The following SEMA6D variants were observed in gnomAD, a reference collection of about 807,000 sequenced individuals.
SEMA6D encodes semaphorin 6D.
A neutral mutation model predicts 106.6 loss-of-function variants in SEMA6D; 35 were observed. The ratio of observed to expected loss-of-function variants is 0.33; its 90% CI spans 0.25 to 0.44. The LOEUF is 0.44. Ranked by LOEUF, SEMA6D falls within the 20% of genes least tolerant of loss-of-function variation. The pLI is 1.00. For missense variants in SEMA6D, 1,185 were observed against 1,345.9 expected, an observed-to-expected ratio of 0.88 and a Z score of 1.87; for synonymous variants, 499 against 487.7, an observed-to-expected ratio of 1.02 and a Z score of -0.31.
At chr15:47,725,152 A>G (rs539269323) in intron 1 of SEMA6D, among the ~76,000 whole-genome samples, 2 of 152,346 alleles carry the variant, frequency 1.3e-5, no homozygotes, top group East Asian at 1.9e-4. Flanking sequence ...GAGGATAGAC[A>G]CATATTGAAA....
At chr15:47,316,611 T>TC (rs2036691765) in intron 1 of SEMA6D, among the ~76,000 whole-genome samples, 1 of 151,034 alleles carries the variant, frequency 6.6e-6, no homozygotes, top group African/African-American at 2.4e-5. Context: ...TGAGAGGTTT[T>TC]TTTTTTTTTT....
At chr15:47,453,325 A>T (rs2140951615) in intron 2 of SEMA6D, among the ~76,000 whole-genome samples, 1 of 152,100 alleles carries the variant, frequency 6.6e-6, no homozygotes, top group African/African-American at 2.4e-5. Flanking sequence ...TGTTTTAAAC[A>T]AAAGTGACAA....
intron 1 of SEMA6D, among the ~76,000 whole-genome samples, chr15:47,405,353 C>T (rs746553444): frequency 2.0e-5 from 3 of 152,056 alleles, no homozygotes; most frequent in Non-Finnish European, 4.4e-5. Context: ...CAGATTCCAG[C>T]CTGTTACAAA....
At chr15:47,381,200 G>A (rs922916812) in intron 1 of SEMA6D, among the ~76,000 whole-genome samples, 1 of 152,224 alleles carries the variant, frequency 6.6e-6, no homozygotes, top group Non-Finnish European at 1.5e-5. Flanking sequence ...ACAATGGATT[G>A]TGGTAGATTT....
At chr15:47,751,487 G>A (rs2081431850) in intron 1 of SEMA6D, among the ~76,000 whole-genome samples, 1 of 152,154 alleles carries the variant, frequency 6.6e-6, no homozygotes, top group South Asian at 2.1e-4. Flanking sequence ...TACAGTAAGA[G>A]CAGTGCCCCT....
chr15:47,762,434 C>A, intron 8 of SEMA6D, 115 bp downstream of exon 8: 1 of 1,143,134 alleles, frequency 8.7e-7, no homozygotes, highest in Non-Finnish European at 1.2e-6. Flanking sequence ...TTATTTAGAA[C>A]AAGTACACAC....
chr15:47,186,014 T>A (rs890263060), intron 1 of SEMA6D, among the ~76,000 whole-genome samples: 17 of 152,174 alleles, frequency 1.1e-4, no homozygotes, highest in Non-Finnish European at 2.2e-4. Flanking sequence ...GTTTACAATA[T>A]TGTCTACAAA....
At chr15:47,747,354 A>T (rs1009663124) in intron 1 of SEMA6D, among the ~76,000 whole-genome samples, 2 of 152,080 alleles carry the variant, frequency 1.3e-5, no homozygotes, top group African/African-American at 2.4e-5. Context: ...GACAGGTTAG[A>T]TCCTGTTTTC....
intron 1 of SEMA6D, among the ~76,000 whole-genome samples, chr15:47,311,756 C>T (rs1311746864): frequency 6.6e-6 from 1 of 152,106 alleles, no homozygotes; most frequent in African/African-American, 2.4e-5. Context: ...AAGGAGTACC[C>T]TAGGCTGTTC....
At chr15:47,579,926 G>T (rs1030243329) in intron 3 of SEMA6D, among the ~76,000 whole-genome samples, 1 of 152,112 alleles carries the variant, frequency 6.6e-6, no homozygotes, top group Non-Finnish European at 1.5e-5. Flanking sequence ...ACACATTTTC[G>T]TAGGTTCAGA....
intron 4 of SEMA6D, among the ~76,000 whole-genome samples, chr15:47,681,833 T>A (rs1419646414): frequency 1.3e-5 from 2 of 152,242 alleles, no homozygotes; most frequent in Admixed American, 1.3e-4. Context: ...GTAAATTGTA[T>A]AACTGCTTCT....
intron 4 of SEMA6D, among the ~76,000 whole-genome samples, chr15:47,694,936 C>T (rs550419981): frequency 2.0e-5 from 3 of 152,198 alleles, no homozygotes; most frequent in South Asian, 2.1e-4. Flanking sequence ...GGAGAGGATC[C>T]GAAGCCCTGA....
intron 1 of SEMA6D, among the ~76,000 whole-genome samples, chr15:47,204,496 T>C (rs758062423): frequency 1.3e-5 from 2 of 152,138 alleles, no homozygotes; most frequent in African/African-American, 4.8e-5. Flanking sequence ...ATAACGACCA[T>C]GTTTAATCAC....
chr15:47,711,105 C>G (rs2079009470), intron 4 of SEMA6D, among the ~76,000 whole-genome samples: 1 of 151,586 alleles, frequency 6.6e-6, no homozygotes, highest in Non-Finnish European at 1.5e-5. Flanking sequence ...GTCAGGAGAT[C>G]GAGACCATCC....
chr15:47,598,567 A>T (rs1004860102), intron 3 of SEMA6D, among the ~76,000 whole-genome samples: 1 of 152,178 alleles, frequency 6.6e-6, no homozygotes, highest in African/African-American at 2.4e-5. Context: ...TCCCCTGTAC[A>T]AAATGATTCC....
At chr15:47,377,807 G>C (rs1229330237) in intron 1 of SEMA6D, among the ~76,000 whole-genome samples, 1 of 152,196 alleles carries the variant, frequency 6.6e-6, no homozygotes, top group Admixed American at 6.5e-5. Context: ...TTTATGGCTG[G>C]TGAGAAGGGT....
chr15:47,479,985 C>T (rs2043108118), intron 3 of SEMA6D, among the ~76,000 whole-genome samples: 1 of 151,022 alleles, frequency 6.6e-6, no homozygotes, highest in Non-Finnish European at 1.5e-5. Flanking sequence ...CCCACCTCAG[C>T]CTTCTGAGTA....
chr15:47,471,597 C>T (rs915645579), intron 3 of SEMA6D, among the ~76,000 whole-genome samples: 1 of 152,090 alleles, frequency 6.6e-6, no homozygotes, highest in African/African-American at 2.4e-5. Context: ...TCTGCACCTA[C>T]TGAAAGGTTG....
rs117921581 is a variant in SEMA6D at position 47,492,079 on chromosome 15, A to T, written c.-87+21534A>T. Among the ~76,000 whole-genome samples the T allele has an allele frequency of 3.5e-4, 53 of 152,342 alleles. No individual in the cohort carries two copies. In the East Asian group the frequency reaches 7.9e-3, roughly 23 times the overall value. On this transcript the variant is annotated intron_variant, in intron 3 of 19. Coordinates refer to the SEMA6D transcript ENST00000558014. ...GATGGTAACTTCCCAATTAGTGGTT[A>T]TGATAGAAATAAAGGCAGATTATCT...
Sources: gnomAD v4.1 joint callset for allele counts (sites outside exome capture counted in the v4.1 genomes callset) on GRCh38, gnomAD v4.1.1 for gene constraint, MANE v1.5 for transcripts, NCBI Gene and HGNC (gene_info 2026-07-23, HGNC 2026-07-21) for gene names.